PVT1: variants seen among roughly 807,000 people sequenced by gnomAD.
The protein encoded by PVT1 is Pvt1 oncogene.
chr8:128,052,366 T>G (rs1194215035), intron 4 of PVT1, among the ~76,000 whole-genome samples: 1 of 152,210 alleles, frequency 6.6e-6, no homozygotes, highest in Non-Finnish European at 1.5e-5. Flanking sequence ...GTTTCTCTCT[T>G]CATGCTGCAC....
rs563099064 is a variant in PVT1 at position 128,034,021 on chromosome 8, G to A, written n.913-36139G>A. ...TGCCGGCCACCTCCCCAGCCCTGCC[G>A]AGCTGTGAGCTTACAGGTGGTACCA... is the stretch of plus-strand genomic sequence containing the variant. On this transcript the variant is annotated intron_variant and non_coding_transcript_variant, in intron 4 of 10. Transcript: ENST00000651587. Among the ~76,000 whole-genome samples, 5 of 151,852 alleles carry A rather than the reference G, an allele frequency of 3.3e-5. No individual in the cohort carries two copies. In the South Asian group the frequency reaches 8.4e-4, roughly 25 times the overall value.
chr8:127,852,039 T>C (rs1815112235), intron 2 of PVT1: 1 of 152,244 alleles, frequency 6.6e-6, no homozygotes, highest in Non-Finnish European at 1.5e-5. Flanking sequence ...AACTGGCCTG[T>C]TGGCTGACCA....
intron 3 of PVT1, among the ~76,000 whole-genome samples, chr8:127,956,095 A>G (rs1816565945): frequency 6.6e-6 from 1 of 152,254 alleles, no homozygotes. Flanking sequence ...AGACAGGTAC[A>G]TCTACAACTA....
At chr8:127,857,215 G>A (rs2129744263) in intron 2 of PVT1, among the ~76,000 whole-genome samples, 1 of 152,262 alleles carries the variant, frequency 6.6e-6, no homozygotes, top group Admixed American at 6.5e-5. Context: ...TACGGAGCAG[G>A]ACTCTGCCTA....
intron 4 of PVT1, among the ~76,000 whole-genome samples, chr8:128,030,156 A>T (rs1259407822): frequency 3.9e-5 from 6 of 152,184 alleles, no homozygotes; most frequent in Non-Finnish European, 8.8e-5. Context: ...CTACCAACGT[A>T]TATACTCATG....
At chr8:128,022,479 G>A (rs1438314369) in intron 4 of PVT1, among the ~76,000 whole-genome samples, 2 of 152,144 alleles carry the variant, frequency 1.3e-5, no homozygotes, top group Non-Finnish European at 2.9e-5. Flanking sequence ...ATCTCCACCT[G>A]GGTCAGGAAG....
At chr8:127,938,386 A>G (rs141692606) in intron 3 of PVT1, among the ~76,000 whole-genome samples, 8 of 152,322 alleles carry the variant, frequency 5.3e-5, no homozygotes, top group African/African-American at 1.4e-4. Context: ...AGGCTTACTC[A>G]TCTCAGACAG....
intron 4 of PVT1, among the ~76,000 whole-genome samples, chr8:128,001,759 T>TG (rs1204503177): frequency 6.6e-6 from 1 of 152,208 alleles, no homozygotes; most frequent in Non-Finnish European, 1.5e-5. Flanking sequence ...CCAAGATCAA[T>TG]GCGCTGGGAG....
chr8:128,023,471 A>G (rs16902560), intron 4 of PVT1, among the ~76,000 whole-genome samples: 2,161 of 152,320 alleles, frequency 0.014, 49 homozygotes, highest in African/African-American at 0.049. Context: ...GGTAATAGGT[A>G]CAGTGGGAAA....
At chr8:128,072,285 T>A (rs1489264889) in intron 5 of PVT1, among the ~76,000 whole-genome samples, 1 of 152,074 alleles carries the variant, frequency 6.6e-6, no homozygotes, top group Non-Finnish European at 1.5e-5. Flanking sequence ...CATGACTGGA[T>A]CATTTCTGGA....
intron 2 of PVT1, among the ~76,000 whole-genome samples, chr8:127,799,118 T>C (rs904235512): frequency 1.3e-5 from 2 of 151,850 alleles, no homozygotes; most frequent in African/African-American, 4.8e-5. Context: ...TTTTTGTGTG[T>C]GTGTGGAGTT....
chr8:127,813,495 G>A (rs1298957858), intron 2 of PVT1, among the ~76,000 whole-genome samples: 10 of 152,008 alleles, frequency 6.6e-5, no homozygotes, highest in Admixed American at 3.3e-4. Context: ...TTTAGGCCAC[G>A]TGAGTGACAG....
chr8:127,955,156 G>C (rs576121367), intron 3 of PVT1, among the ~76,000 whole-genome samples: 1 of 152,278 alleles, frequency 6.6e-6, no homozygotes, highest in East Asian at 1.9e-4. Context: ...AACTGGGCTA[G>C]AGTCCCTGTA....
chr8:127,959,178 C>CT (rs1816607065), intron 3 of PVT1, among the ~76,000 whole-genome samples: 1 of 152,206 alleles, frequency 6.6e-6, no homozygotes, highest in African/African-American at 2.4e-5. Flanking sequence ...GAACTGATGA[C>CT]TATCAGTCCC....
chr8:127,971,592 T>A (rs1816764953), intron 3 of PVT1, among the ~76,000 whole-genome samples: 1 of 152,192 alleles, frequency 6.6e-6, no homozygotes. Context: ...GCCAGGGCAC[T>A]GCAGTGTAGC....
At chr8:127,944,684 A>G (rs116420673) in intron 3 of PVT1, among the ~76,000 whole-genome samples, 6,467 of 152,186 alleles carry the variant, frequency 0.042, 257 homozygotes, top group African/African-American at 0.1. Flanking sequence ...ACCGAGGAGG[A>G]GGATGCCAGT....
At chr8:127,940,832 A>T (rs1586446671) in intron 3 of PVT1, among the ~76,000 whole-genome samples, 1 of 151,988 alleles carries the variant, frequency 6.6e-6, no homozygotes, top group Non-Finnish European at 1.5e-5. Context: ...GAACTCCTGG[A>T]CTCAAGCGAT....
intron 2 of PVT1, among the ~76,000 whole-genome samples, chr8:127,875,598 G>T (rs1261307594): frequency 1.3e-5 from 2 of 152,104 alleles, no homozygotes; most frequent in Non-Finnish European, 2.9e-5. Flanking sequence ...CTCCTCTAAG[G>T]CGCTCCACAT....
chr8:127,969,424 C>T (rs1432749070), intron 3 of PVT1, among the ~76,000 whole-genome samples: 1 of 152,188 alleles, frequency 6.6e-6, no homozygotes, highest in African/African-American at 2.4e-5. Flanking sequence ...AGACCCCGGC[C>T]TTTCCAGGAT....
Sources: allele counts gnomAD v4.1 joint callset (sites outside exome capture counted in the v4.1 genomes callset), GRCh38; gene constraint gnomAD v4.1.1; transcripts MANE v1.5; gene names NCBI Gene and HGNC (gene_info 2026-07-23, HGNC 2026-07-21).